Variants in LRP12 observed in about 807,000 individuals in gnomAD.
LRP12 encodes low-density lipoprotein receptor-related protein 12.
A neutral mutation model predicts 66.0 loss-of-function variants in LRP12; 14 were observed. The observed-to-expected ratio is 0.21, with a 90% CI of 0.14 to 0.33. LRP12 has a LOEUF of 0.33. Ranked by LOEUF, LRP12 falls within the 10% of genes least tolerant of loss-of-function variation. The pLI, the probability that LRP12 is intolerant of heterozygous loss-of-function variation, is 1.00. For missense variants in LRP12, 889 were observed against 1,053.4 expected, an observed-to-expected ratio of 0.84 and a Z score of 2.16; for synonymous variants, 357 against 359.1, an observed-to-expected ratio of 0.99 and a Z score of 0.07.
intron 2 of LRP12, among the ~76,000 whole-genome samples, chr8:104,531,687 C>G (rs537609641): frequency 6.6e-6 from 1 of 152,152 alleles, no homozygotes; most frequent in East Asian, 1.9e-4. Flanking sequence ...AATAATTATG[C>G]AGTCCGTTTG....
intron 1 of LRP12, among the ~76,000 whole-genome samples, chr8:104,586,758 A>G (rs1010107042): frequency 2.0e-5 from 3 of 152,118 alleles, no homozygotes; most frequent in Non-Finnish European, 4.4e-5. Context: ...CATAAAGAGG[A>G]TTTCTCAGTT....
chr8:104,588,345 A>C (rs911221783), intron 1 of LRP12, among the ~76,000 whole-genome samples: 1 of 152,302 alleles, frequency 6.6e-6, no homozygotes, highest in Non-Finnish European at 1.5e-5. Context: ...CGAGTAGGAC[A>C]AGGGCTGGCG....
Position 104,491,280 on chromosome 8 carries a change from T to C in LRP12, c.1973A>G (p.Glu658Gly). The change falls in exon 7 of 7, where the codon GAA becomes GGA. Residue 658 changes from glutamate (E) to glycine (G), a missense_variant. Coordinates refer to ENST00000276654, the MANE Select transcript of LRP12 (RefSeq NM_013437.5). ...TCCTGCCATATCTCTTCTCTCATTT[T>C]CTGTGTCTGTATCATCAGACTCCAC... ...FSVESDDTDTENERRDMAGAS... is the reference protein window; with the variant it reads ...FSVESDDTDTGNERRDMAGAS... 1 of 1,614,206 alleles carries C rather than the reference T, an allele frequency of 6.2e-7. No homozygotes were observed. Among genetic ancestry groups the C allele is most frequent in the East Asian group, 2.2e-5 (1 of 44,882 alleles).
At chr8:104,495,688 CAAG>C (rs1486788426) in intron 5 of LRP12, 1 of 152,470 alleles carries the variant, frequency 6.6e-6, no homozygotes, top group Non-Finnish European at 1.5e-5. Flanking sequence ...TTTGGGAGGC[CAAG>C]GCGGGTGGAT....
intron 2 of LRP12, among the ~76,000 whole-genome samples, chr8:104,523,523 T>G (rs1371541106): frequency 6.6e-6 from 1 of 152,200 alleles, no homozygotes; most frequent in African/African-American, 2.4e-5. Context: ...GAGCTCAATT[T>G]GCAAGTATCT....
chr8:104,490,933 C>T lies in LRP12; in HGVS notation c.2320G>A (p.Glu774Lys). ...CCATCAGAAATTGGAATTAGCATTTCAACATCATCATCATCTTCTCTTCCA... is the reference window on the plus strand; with the variant it reads ...CCATCAGAAATTGGAATTAGCATTTTAACATCATCATCATCTTCTCTTCCA... Reference protein sequence around the residue: ...VSGREDDDDVEMLIPISDGSS... With the variant: ...VSGREDDDDVKMLIPISDGSS... Residue 774 changes from glutamate to lysine, a missense_variant, in exon 7 of 7, where the codon GAA becomes AAA. Transcript: ENST00000276654. 1 of 1,614,018 alleles carries T rather than the reference C, an allele frequency of 6.2e-7. No homozygotes were observed. The highest frequency in any genetic ancestry group is 8.5e-7 in the Non-Finnish European group (1 of 1,180,028).
intron 1 of LRP12, among the ~76,000 whole-genome samples, chr8:104,534,813 C>T (rs958566981): frequency 6.6e-6 from 1 of 151,770 alleles, no homozygotes; most frequent in Non-Finnish European, 1.5e-5. Flanking sequence ...ATGTCACTTT[C>T]AATTATTTCT....
chr8:104,535,116 A>G (rs1406735912), intron 1 of LRP12, among the ~76,000 whole-genome samples: 1 of 151,896 alleles, frequency 6.6e-6, no homozygotes, highest in Non-Finnish European at 1.5e-5. Flanking sequence ...GATAAACCCT[A>G]AAAAAGATTT....
intron 2 of LRP12, among the ~76,000 whole-genome samples, chr8:104,520,975 TACC>T (rs1811139830): frequency 6.6e-6 from 1 of 152,080 alleles, no homozygotes; most frequent in Non-Finnish European, 1.5e-5. Flanking sequence ...ACTTCACTTC[TACC>T]ATCTAAGCAC....
At chr8:104,506,459 T>G (rs1249181722) in intron 3 of LRP12, 1 of 152,240 alleles carries the variant, frequency 6.6e-6, no homozygotes. Flanking sequence ...CTCTCTTTTT[T>G]TTAATCCTCT....
At chr8:104,491,967 C>G (rs1428365949) in intron 6 of LRP12, among the ~76,000 whole-genome samples, 1 of 151,034 alleles carries the variant, frequency 6.6e-6, no homozygotes, top group South Asian at 2.1e-4. Context: ...AAAACGAGGA[C>G]TTTTATCTTT....
At chr8:104,582,858 T>G (rs912496940) in intron 1 of LRP12, among the ~76,000 whole-genome samples, 1 of 152,088 alleles carries the variant, frequency 6.6e-6, no homozygotes, top group African/African-American at 2.4e-5. Context: ...AACTTCTCAT[T>G]CCTCCTCTTC....
intron 1 of LRP12, 105 bp downstream of exon 1, chr8:104,588,714 G>A (rs1050782663): frequency 1.7e-5 from 15 of 882,626 alleles, no homozygotes; most frequent in African/African-American, 1.2e-4. Context: ...CCGGTAGCCA[G>A]GGTCTCCGCG....
At chr8:104,539,294 G>A (rs757764220) in intron 1 of LRP12, among the ~76,000 whole-genome samples, 10 of 152,154 alleles carry the variant, frequency 6.6e-5, no homozygotes, top group Non-Finnish European at 1.2e-4. Flanking sequence ...TTTTAGAGAT[G>A]CACTCTAAAA....
chr8:104,583,899 T>A (rs150316137), intron 1 of LRP12, among the ~76,000 whole-genome samples: 34 of 152,328 alleles, frequency 2.2e-4, no homozygotes, highest in African/African-American at 7.9e-4. Flanking sequence ...AAATAAGTGC[T>A]ATTAAACTTA....
intron 6 of LRP12, among the ~76,000 whole-genome samples, chr8:104,492,670 C>T (rs1215536721): frequency 6.6e-6 from 1 of 152,022 alleles, no homozygotes; most frequent in African/African-American, 2.4e-5. Context: ...TCCATATAGG[C>T]CCTTCCATAG....
intron 1 of LRP12, among the ~76,000 whole-genome samples, chr8:104,535,319 G>C (rs1588495479): frequency 6.6e-6 from 1 of 152,012 alleles, no homozygotes; most frequent in South Asian, 2.1e-4. Context: ...ACAGTGATAT[G>C]AAGTTTAAGT....
chr8:104,573,813 G>C (rs1299248629), intron 1 of LRP12, among the ~76,000 whole-genome samples: 3 of 151,838 alleles, frequency 2.0e-5, no homozygotes, highest in Non-Finnish European at 4.4e-5. Context: ...AGCAGAAGAA[G>C]AGGGAGGTTA....
intron 1 of LRP12, among the ~76,000 whole-genome samples, chr8:104,559,616 A>T (rs78946085): frequency 0.04 from 6,144 of 151,864 alleles, 188 homozygotes; most frequent in South Asian, 0.075. Context: ...ATTGAAATAA[A>T]AACTTTTTTA....
Sources: allele counts gnomAD v4.1 joint callset (sites outside exome capture counted in the v4.1 genomes callset), GRCh38; gene constraint gnomAD v4.1.1; transcripts MANE v1.5; gene names NCBI Gene and HGNC (gene_info 2026-07-23, HGNC 2026-07-21).